The following GALNT18 variants were observed in gnomAD, a reference collection of about 807,000 sequenced individuals.
GALNT18 encodes the protein GalNAc-transferase 18.
GALNT18 carries 44 observed loss-of-function variants against 69.5 expected under a neutral mutation model. The ratio of observed to expected loss-of-function variants is 0.63; its 90% CI spans 0.50 to 0.81. The LOEUF (loss-of-function observed/expected upper bound fraction) is 0.81, where lower values mean the gene tolerates loss of function less well. Among genes scored for constraint, GALNT18 ranks in the 40% least tolerant of loss-of-function variants. GALNT18 has a pLI of 0.00. For missense variants in GALNT18, 715 were observed against 810.0 expected, an observed-to-expected ratio of 0.88 and a Z score of 1.42; for synonymous variants, 364 against 318.2, an observed-to-expected ratio of 1.14 and a Z score of -1.53.
chr11:11,424,122 C>T (rs1024856162), intron 3 of GALNT18, among the ~76,000 whole-genome samples: 5 of 152,190 alleles, frequency 3.3e-5, no homozygotes, highest in African/African-American at 1.2e-4. Flanking sequence ...CTGCCTGCTG[C>T]CCCCAACAAA....
At chr11:11,426,077 C>CGAGCTGCA (rs1412122246) in intron 3 of GALNT18, among the ~76,000 whole-genome samples, 3 of 152,164 alleles carry the variant, frequency 2.0e-5, no homozygotes, top group Non-Finnish European at 4.4e-5. Flanking sequence ...ACATGGCCTT[C>CGAGCTGCA]GAGCTGCAGA....
At chr11:11,513,379 G>A (rs755110724) in intron 1 of GALNT18, among the ~76,000 whole-genome samples, 16 of 152,202 alleles carry the variant, frequency 1.1e-4, no homozygotes, top group Non-Finnish European at 2.2e-4. Flanking sequence ...TCTGTTCTGA[G>A]CAACTCCTGA....
rs1850127870 is a variant in GALNT18 at position 11,337,132 on chromosome 11, T to C, written c.1278+3687A>G. On this transcript the variant is annotated intron_variant, in intron 7 of 10. Coordinates refer to ENST00000227756, the MANE Select transcript of GALNT18 (RefSeq NM_198516.3). The surrounding 1 kb of genome is among the most constrained non-coding windows in gnomAD (Gnocchi z 4.9). Reference sequence around the variant, plus strand: ...GGCACCTACCGCTCAAAATCCTCTCTGAGGATGAGACCCAGATGAGTATTT... The same window carrying C: ...GGCACCTACCGCTCAAAATCCTCTCCGAGGATGAGACCCAGATGAGTATTT... Among the ~76,000 whole-genome samples the C allele has an allele frequency of 6.6e-6, 1 of 152,180 alleles. No homozygotes were observed. Among genetic ancestry groups the C allele is most frequent in the Non-Finnish European group, 1.5e-5 (1 of 68,028 alleles).
chr11:11,575,077 A>C (rs2134003585), intron 1 of GALNT18, among the ~76,000 whole-genome samples: 1 of 152,320 alleles, frequency 6.6e-6, no homozygotes, highest in South Asian at 2.1e-4. Context: ...AGAGAGGTTT[A>C]TTTAAGCCAG....
Position 11,341,148 on chromosome 11 carries a change from C to G in GALNT18, c.1093-144G>C. 1 of 662,446 alleles carries G rather than the reference C, an allele frequency of 1.5e-6. No individual in the cohort carries two copies. Among genetic ancestry groups the G allele is most frequent in the Non-Finnish European group, 2.5e-6 (1 of 401,842 alleles). The allele number at this position is 662,446 out of a possible 1,614,324, so 41.0% of individuals were successfully genotyped here. On this transcript the variant is annotated intron_variant, in intron 6 of 10. Transcript: ENST00000227756. This position sits in a 1 kb window ranked among gnomAD's most constrained non-coding sequence, Gnocchi z 6.3. Reference sequence around the variant, plus strand: ...AGATCACTCTCTGTGAAGGAGTAGGCCATACCTGATTTCTGCTCCTATAGC... The same window carrying G: ...AGATCACTCTCTGTGAAGGAGTAGGGCATACCTGATTTCTGCTCCTATAGC...
At chr11:11,321,776 T>C (rs1207081624) in intron 9 of GALNT18, among the ~76,000 whole-genome samples, 1 of 152,240 alleles carries the variant, frequency 6.6e-6, no homozygotes, top group Non-Finnish European at 1.5e-5. Context: ...CTAATTTTTT[T>C]ATATTTTTAG....
intron 2 of GALNT18, among the ~76,000 whole-genome samples, chr11:11,446,004 G>A (rs1330435164): frequency 6.6e-6 from 1 of 152,098 alleles, no homozygotes; most frequent in Non-Finnish European, 1.5e-5. Flanking sequence ...AAGATCAAGG[G>A]CTCCCACATG....
At chr11:11,599,976 A>G (rs943447713) in intron 1 of GALNT18, among the ~76,000 whole-genome samples, 1 of 151,990 alleles carries the variant, frequency 6.6e-6, no homozygotes, top group African/African-American at 2.4e-5. Flanking sequence ...CTTACAATAT[A>G]CCTCTTGACT....
rs868754785 is a variant in GALNT18, at chr11:11,339,527, C to T, written c.1278+1292G>A. On this transcript the variant is annotated intron_variant, in intron 7 of 10. Transcript: ENST00000227756. This position sits in a 1 kb window ranked among gnomAD's most constrained non-coding sequence, Gnocchi z 5.2. Reference sequence around the variant, plus strand: ...GTTTCCAAGTGTTCTTAATATTTTGCCATCACAGGACACCTACCACAGGGC... The same window carrying T: ...GTTTCCAAGTGTTCTTAATATTTTGTCATCACAGGACACCTACCACAGGGC... Among the ~76,000 whole-genome samples the T allele has an allele frequency of 3.3e-5, 5 of 152,120 alleles. No individual in the cohort carries two copies. Among genetic ancestry groups the T allele is most frequent in the South Asian group, 2.1e-4 (1 of 4,824 alleles).
intron 3 of GALNT18, among the ~76,000 whole-genome samples, chr11:11,380,162 C>T (rs1853874946): frequency 6.6e-6 from 1 of 152,228 alleles, no homozygotes; most frequent in Admixed American, 6.5e-5. Flanking sequence ...TAGAGGGCCT[C>T]TTCAACTATT....
rs1352201815 is a variant in GALNT18, at chr11:11,383,244, TCACCAGCCTGGTCAAA to T, written c.596-3996_596-3981del. On this transcript the variant is annotated intron_variant, in intron 3 of 10. Coordinates refer to ENST00000227756, the MANE Select transcript of GALNT18 (RefSeq NM_198516.3). This position sits in a 1 kb window ranked among gnomAD's most constrained non-coding sequence, Gnocchi z 5.2. The stretch of plus-strand genomic sequence containing the variant: ...TAGACGCCAAGGAAACACAGGGGAT[TCACCAGCCTGGTCAAA>T]CAGAGCCCTTCTCCCTTCCTCATCT... Among the ~76,000 whole-genome samples, 3 of 152,154 alleles carry T rather than the reference TCACCAGCCTGGTCAAA, an allele frequency of 2.0e-5. No homozygotes were observed. Among genetic ancestry groups the T allele is most frequent in the Non-Finnish European group, 4.4e-5 (3 of 68,030 alleles).
At chr11:11,434,715 C>T (rs1181317167) in intron 2 of GALNT18, among the ~76,000 whole-genome samples, 4 of 151,860 alleles carry the variant, frequency 2.6e-5, no homozygotes, top group Admixed American at 2.6e-4. Context: ...GCTGATTTAA[C>T]CATGGTGAAA....
At chr11:11,394,387 G>A (rs753614433) in intron 3 of GALNT18, among the ~76,000 whole-genome samples, 3 of 152,156 alleles carry the variant, frequency 2.0e-5, no homozygotes, top group Non-Finnish European at 4.4e-5. Flanking sequence ...AGAGGAGGTT[G>A]GATAAGTGAG....
intron 9 of GALNT18, among the ~76,000 whole-genome samples, chr11:11,317,664 A>G (rs996974293): frequency 5.3e-5 from 8 of 152,086 alleles, no homozygotes; most frequent in Admixed American, 3.9e-4. Flanking sequence ...GTTTGTGAAT[A>G]TTTTCTCCCA....
rs1296184098 is a variant in GALNT18 at position 11,338,812 on chromosome 11, C to A, written c.1278+2007G>T. ...TGAGAGCAGTCTGCCAAGGATGGAT[C>A]CCCCATGGAGCATGTAAGCACCCAG... is the stretch of plus-strand genomic sequence containing the variant. On this transcript the variant is annotated intron_variant, in intron 7 of 10. Transcript: ENST00000227756. The surrounding 1 kb of genome is among the most constrained non-coding windows in gnomAD (Gnocchi z 5.3). Among the ~76,000 whole-genome samples, 1 of 152,048 alleles carries A rather than the reference C, an allele frequency of 6.6e-6. No individual in the cohort carries two copies. Among genetic ancestry groups the A allele is most frequent in the Non-Finnish European group, 1.5e-5 (1 of 68,030 alleles).
At chr11:11,308,188 C>T (rs1849610270) in intron 9 of GALNT18, among the ~76,000 whole-genome samples, 1 of 152,196 alleles carries the variant, frequency 6.6e-6, no homozygotes, top group African/African-American at 2.4e-5. Flanking sequence ...ACTCTACTCA[C>T]CACTTCCTGG....
At chr11:11,457,719 C>T (rs1004449270) in intron 1 of GALNT18, among the ~76,000 whole-genome samples, 18 of 152,186 alleles carry the variant, frequency 1.2e-4, no homozygotes, top group African/African-American at 4.1e-4. Flanking sequence ...TAGGGATGTG[C>T]TCCCAGGAAA....
Position 11,396,575 on chromosome 11 carries a change from G to A in GALNT18, c.596-17311C>T, listed in dbSNP as rs1234141569. 6.6e-6 allele frequency among the ~76,000 whole-genome samples: 1 copy of A among 152,186 alleles called. No homozygotes were observed. On this transcript the variant is annotated intron_variant, in intron 3 of 10. Coordinates refer to ENST00000227756, the MANE Select transcript of GALNT18 (RefSeq NM_198516.3). This position sits in a 1 kb window ranked among gnomAD's most constrained non-coding sequence, Gnocchi z 5.2. Reference sequence around the variant, plus strand: ...AACAAACAAAGAAAATGGAAGCCAAGCGTGGGGATGATCTCATGGCAATTG... The same window carrying A: ...AACAAACAAAGAAAATGGAAGCCAAACGTGGGGATGATCTCATGGCAATTG...
At chr11:11,423,489 C>G (rs1036548008) in intron 3 of GALNT18, among the ~76,000 whole-genome samples, 3 of 152,160 alleles carry the variant, frequency 2.0e-5, no homozygotes, top group Admixed American at 2.0e-4. Context: ...CCAACAGAAG[C>G]CAGAAAGCCT....
Sources: gnomAD v4.1 joint callset for allele counts (sites outside exome capture counted in the v4.1 genomes callset) on GRCh38, gnomAD v4.1.1 for gene constraint, Gnocchi (gnomAD v3.1) non-coding constraint, MANE v1.5 for transcripts, NCBI Gene and HGNC (gene_info 2026-07-23, HGNC 2026-07-21) for gene names.